Variants in TMEM131 observed in about 807,000 individuals in gnomAD.
The protein encoded by TMEM131 is transmembrane protein 131.
A neutral mutation model predicts 211.6 loss-of-function variants in TMEM131; 66 were observed. The ratio of observed to expected loss-of-function variants is 0.31; its 90% confidence interval spans 0.26 to 0.38. The LOEUF (loss-of-function observed/expected upper bound fraction) is 0.38, where lower values mean the gene tolerates loss of function less well. Among genes scored for constraint, TMEM131 ranks in the 10% least tolerant of loss-of-function variants. The pLI is 1.00. For missense variants in TMEM131, 2,036 were observed against 2,299.3 expected (o/e 0.89, Z 2.34); for synonymous variants, 844 against 841.3 (o/e 1.00, Z -0.06).
chr2:97,963,930 T>C lies in TMEM131; in HGVS notation c.187+31546A>G, dbSNP rs1292272212. Among the ~76,000 whole-genome samples the C allele has an allele frequency of 2.6e-5, 4 of 152,228 alleles. No individual in the cohort carries two copies. In the East Asian group the frequency reaches 7.7e-4, roughly 29 times the overall value. Reference sequence around the variant, plus strand: ...AATATCTAGATACAGAATGAATTAATATTTGGAAGAATAAGTTAACTTCTC... The same window carrying C: ...AATATCTAGATACAGAATGAATTAACATTTGGAAGAATAAGTTAACTTCTC... On this transcript the variant is annotated intron_variant, in intron 1 of 40. Coordinates refer to ENST00000186436, the MANE Select transcript of TMEM131 (RefSeq NM_015348.2).
chr2:97,775,365 G>T (rs546041997), intron 32 of TMEM131, among the ~76,000 whole-genome samples: 2 of 152,264 alleles, frequency 1.3e-5, no homozygotes, highest in African/African-American at 4.8e-5. Context: ...ACTCCCTCCA[G>T]GGCGGTCACC....
At chr2:97,954,328 G>A (rs1414901063) in intron 1 of TMEM131, among the ~76,000 whole-genome samples, 1 of 152,194 alleles carries the variant, frequency 6.6e-6, no homozygotes, top group Non-Finnish European at 1.5e-5. Context: ...ACAAGGGATA[G>A]CTTCATACTA....
At chr2:97,975,710 G>GT (rs1301026340) in intron 1 of TMEM131, among the ~76,000 whole-genome samples, 4 of 150,378 alleles carry the variant, frequency 2.7e-5, no homozygotes, top group South Asian at 4.2e-4. Flanking sequence ...AATAACACCA[G>GT]TTTTATACAG....
chr2:97,816,281 C>T (rs901105934), intron 12 of TMEM131, among the ~76,000 whole-genome samples: 2 of 152,076 alleles, frequency 1.3e-5, no homozygotes, highest in African/African-American at 4.8e-5. Context: ...GTGGAGGCTG[C>T]AGTGAGCCGA....
intron 31 of TMEM131, among the ~76,000 whole-genome samples, chr2:97,789,234 C>A (rs1347618025): frequency 1.3e-5 from 2 of 152,264 alleles, no homozygotes; most frequent in African/African-American, 4.8e-5. Flanking sequence ...ACACCTTCCA[C>A]TGCTTTCTGT....
intron 3 of TMEM131, 72 bp downstream of exon 3, chr2:97,908,586 G>T: frequency 9.2e-7 from 1 of 1,090,718 alleles, no homozygotes. Flanking sequence ...CAAGGGGAAA[G>T]AGGAGGGAGA....
Position 97,758,916 on chromosome 2 carries a change from C to T in TMEM131, c.5344G>A (p.Gly1782Ser), listed in dbSNP as rs376925069. Reference sequence around the variant, plus strand: ...ACTGTGGCTGTGTGGGTCGGGGAGCCGGAACTGGCTGGCCAGGAAGGACTG... The same window carrying T: ...ACTGTGGCTGTGTGGGTCGGGGAGCTGGAACTGGCTGGCCAGGAAGGACTG... ...DPSPSWPASS[G>S]SPTHTATSVL... Residue 1782 changes from glycine (G) to serine (S), a missense_variant, in exon 40 of 41, where the codon GGC becomes AGC. This residue lies in a region of TMEM131 where 1,623 missense variants were observed against 1,805.9 expected (regional missense o/e 0.90). Coordinates refer to ENST00000186436, the MANE Select transcript of TMEM131 (RefSeq NM_015348.2). 7.3e-5 allele frequency: 117 copies of T among 1,613,120 alleles called. No homozygotes were observed. The highest frequency in any genetic ancestry group is 5.9e-4 in the African/African-American group (44 of 75,044).
chr2:97,762,437 G>A (rs1476755546), intron 35 of TMEM131: 18 of 404,440 alleles, frequency 4.5e-5, no homozygotes, highest in South Asian at 2.1e-4. Flanking sequence ...GTTGTGTGGC[G>A]GACAGTCAAT....
intron 4 of TMEM131, among the ~76,000 whole-genome samples, chr2:97,881,148 C>T (rs528160097): frequency 1.3e-5 from 2 of 152,190 alleles, no homozygotes; most frequent in African/African-American, 4.8e-5. Context: ...CCGGCTAGAA[C>T]CCCTCACTGA....
chr2:97,759,576 G>T (rs1469910103), intron 39 of TMEM131, 76 bp downstream of exon 39: 5 of 1,281,184 alleles, frequency 3.9e-6, no homozygotes, highest in Non-Finnish European at 5.6e-6. Flanking sequence ...GTGTTCTCCA[G>T]CACACAAAAC....
At chr2:97,993,183 C>G (rs1680337647) in intron 1 of TMEM131, among the ~76,000 whole-genome samples, 1 of 152,146 alleles carries the variant, frequency 6.6e-6, no homozygotes, top group Admixed American at 6.5e-5. Flanking sequence ...ATACAAAATA[C>G]CTGCAGAATC....
chr2:97,828,256 C>A (rs1342193644), intron 11 of TMEM131, among the ~76,000 whole-genome samples: 1 of 151,938 alleles, frequency 6.6e-6, no homozygotes, highest in Non-Finnish European at 1.5e-5. Context: ...AATTACAATA[C>A]ATGGCTTTTT....
chr2:97,766,815 T>G (rs1280602419), intron 33 of TMEM131, among the ~76,000 whole-genome samples: 3 of 152,224 alleles, frequency 2.0e-5, no homozygotes, highest in Non-Finnish European at 2.9e-5. Context: ...ACTTGCAGAC[T>G]GAACCTTTGC....
chr2:97,856,890 A>C (rs1230605658), intron 5 of TMEM131, among the ~76,000 whole-genome samples: 1 of 152,234 alleles, frequency 6.6e-6, no homozygotes, highest in African/African-American at 2.4e-5. Context: ...CCTTTGAGCT[A>C]AATCTTGACT....
intron 31 of TMEM131, 32 bp from the exon 32 acceptor site, chr2:97,776,050 T>C: frequency 6.3e-7 from 1 of 1,586,192 alleles, no homozygotes; most frequent in African/African-American, 1.4e-5. Context: ...AAAGAACTCT[T>C]GTTTTTGTTT....
At chr2:97,870,707 G>T (rs1674455563) in intron 4 of TMEM131, among the ~76,000 whole-genome samples, 1 of 152,218 alleles carries the variant, frequency 6.6e-6, no homozygotes, top group African/African-American at 2.4e-5. Flanking sequence ...CTTAGCAACT[G>T]CCCTGAGGCA....
chr2:97,762,506 G>T, intron 35 of TMEM131: 1 of 260,812 alleles, frequency 3.8e-6, no homozygotes, highest in Admixed American at 5.1e-5. Flanking sequence ...TCCAGGGGTG[G>T]ACAGCTGAGG....
intron 1 of TMEM131, among the ~76,000 whole-genome samples, chr2:97,951,898 C>T (rs1435287501): frequency 6.6e-6 from 1 of 152,132 alleles, no homozygotes; most frequent in African/African-American, 2.4e-5. Context: ...GTGGCTCACA[C>T]CTGTAATCCC....
intron 5 of TMEM131, among the ~76,000 whole-genome samples, chr2:97,850,580 A>C (rs1379024294): frequency 6.6e-6 from 1 of 152,178 alleles, no homozygotes; most frequent in African/African-American, 2.4e-5. Context: ...CTGATATAAA[A>C]GATGTGAAAA....
Sources: gnomAD v4.1 joint callset for allele counts (sites outside exome capture counted in the v4.1 genomes callset) on GRCh38, gnomAD v4.1.1 for gene constraint, gnomAD v4.1.1 regional missense constraint, MANE v1.5 for transcripts, NCBI Gene and HGNC (gene_info 2026-07-23, HGNC 2026-07-21) for gene names.